Variants in MEGF10 observed in about 807,000 individuals in gnomAD.
MEGF10 encodes the protein multiple EGF like domains 10.
MEGF10 carries 86 observed loss-of-function variants against 147.5 expected under a neutral mutation model. The observed-to-expected ratio is 0.58, with a 90% CI of 0.49 to 0.70. The LOEUF is 0.70. MEGF10 is among the 30% of genes least tolerant of loss of function. MEGF10 has a pLI of 0.00. For missense variants in MEGF10, 1,329 were observed against 1,487.3 expected, an observed-to-expected ratio of 0.89 and a Z score of 1.75; for synonymous variants, 478 against 525.5, an observed-to-expected ratio of 0.91 and a Z score of 1.24.
At chr5:127,274,750 T>A in the MEGF10 span, among the ~76,000 whole-genome samples, 1 of 152,194 alleles carries the variant, frequency 6.6e-6, no homozygotes, top group East Asian at 1.9e-4. Flanking sequence ...AATACTTAAA[T>A]CTTTTATCTC....
At chr5:127,407,634 A>G (rs1453174444) in intron 8 of MEGF10, among the ~76,000 whole-genome samples, 4 of 152,182 alleles carry the variant, frequency 2.6e-5, no homozygotes, top group Non-Finnish European at 4.4e-5. Flanking sequence ...CTGTCCTAAG[A>G]AAATGCATTT....
chr5:127,342,832 G>A (rs1425022266), intron 4 of MEGF10, among the ~76,000 whole-genome samples: 1 of 151,998 alleles, frequency 6.6e-6, no homozygotes, highest in Non-Finnish European at 1.5e-5. Flanking sequence ...CCCTGAGACT[G>A]CAATATTTTT....
At chr5:127,344,879 G>T (rs1250006811) in intron 4 of MEGF10, among the ~76,000 whole-genome samples, 2 of 152,182 alleles carry the variant, frequency 1.3e-5, no homozygotes, top group Non-Finnish European at 2.9e-5. Flanking sequence ...TATCGTTAGT[G>T]GATATTCAGG....
At chr5:127,248,488 C>T in the MEGF10 span, among the ~76,000 whole-genome samples, 2 of 151,910 alleles carry the variant, frequency 1.3e-5, no homozygotes, top group Non-Finnish European at 2.9e-5. Flanking sequence ...TAAATGAAAA[C>T]ATGAATGTAA....
intron 1 of MEGF10, among the ~76,000 whole-genome samples, chr5:127,298,311 C>T (rs1189972152): frequency 6.6e-6 from 1 of 152,156 alleles, no homozygotes; most frequent in Non-Finnish European, 1.5e-5. Context: ...AAGCCCTCAT[C>T]GTTCTCACCT....
the MEGF10 span, among the ~76,000 whole-genome samples, chr5:127,238,891 G>T: frequency 3.3e-4 from 50 of 150,396 alleles, no homozygotes; most frequent in African/African-American, 1.2e-3. Flanking sequence ...AATGGATTAT[G>T]TCTATAGGAT....
rs373174817 is a variant in MEGF10 at position 127,420,222 on chromosome 5, G to A, written c.1590+15G>A. 6.2e-7 allele frequency: 1 copy of A among 1,610,382 alleles called. No homozygotes were observed. The highest frequency in any genetic ancestry group is 1.3e-5 in the African/African-American group (1 of 74,762). On this transcript the variant is annotated intron_variant, in intron 12 of 24. Coordinates refer to ENST00000503335, the MANE Select transcript of MEGF10 (RefSeq NM_001256545.2). Reference sequence around the variant, plus strand: ...TTCCCTGCCAGGTATGCACAAATCAGCGCCCTGACGGAAAACGCCTATGAG... The same window carrying A: ...TTCCCTGCCAGGTATGCACAAATCAACGCCCTGACGGAAAACGCCTATGAG...
Position 127,410,419 on chromosome 5 carries a change from T to A in MEGF10, c.948T>A (p.Tyr316Ter). Residue 316 changes from tyrosine to a stop codon, truncating the protein, a stop_gained, in exon 9 of 25, where the codon TAT (tyrosine) becomes TAA (stop). Coordinates refer to ENST00000503335, the MANE Select transcript of MEGF10 (RefSeq NM_001256545.2). LOFTEE classifies it high-confidence loss of function. ...RCQDECPVGTYGVLCAETCQC... is the reference protein window; with the variant it reads ...RCQDECPVGT ...AGGATGAGTGTCCTGTTGGGACCTA[T>A]GGCGTTCTCTGTGCTGAGACCTGCC... 1 of 1,614,266 alleles carries A rather than the reference T, an allele frequency of 6.2e-7. No individual in the cohort carries two copies. Among genetic ancestry groups the A allele is most frequent in the South Asian group, 1.1e-5 (1 of 91,088 alleles).
At chr5:127,274,567 T>C in the MEGF10 span, among the ~76,000 whole-genome samples, 1 of 152,116 alleles carries the variant, frequency 6.6e-6, no homozygotes, top group Non-Finnish European at 1.5e-5. Flanking sequence ...AACTATTATA[T>C]TATTTTAAAT....
Position 127,396,574 on chromosome 5 carries a change from G to A in MEGF10, c.455G>A (p.Cys152Tyr), listed in dbSNP as rs1385333662. The A allele has an allele frequency of 1.3e-6, 2 of 1,597,670 alleles. No individual in the cohort carries two copies. The highest frequency in any genetic ancestry group is 3.4e-5 in the Admixed American group (2 of 59,038). Residue 152 changes from cysteine to tyrosine, a missense_variant, in exon 6 of 25, where the codon TGC (cysteine) becomes TAC (tyrosine). Physicochemically the swap from Cys to Tyr is radical, Grantham distance 194 (BLOSUM62 -2). This residue lies in a region of MEGF10 where 980 missense variants were observed against 1,085.9 expected (regional missense o/e 0.90). Coordinates refer to ENST00000503335, the MANE Select transcript of MEGF10 (RefSeq NM_001256545.2). ...DHWGPHCTSR[C>Y]QCKNGALCNP... Reference sequence around the variant, plus strand: ...TGGGGTCCCCACTGCACCAGCCGGTGCCAGTGCAAAAATGGGGCTCTGTGC... The same window carrying A: ...TGGGGTCCCCACTGCACCAGCCGGTACCAGTGCAAAAATGGGGCTCTGTGC...
chr5:127,376,717 T>C (rs1763043635), intron 5 of MEGF10, among the ~76,000 whole-genome samples: 1 of 152,230 alleles, frequency 6.6e-6, no homozygotes, highest in Non-Finnish European at 1.5e-5. Context: ...ATAAGAGCTT[T>C]ACAGGAATTA....
chr5:127,366,706 T>A (rs573441345), intron 4 of MEGF10, among the ~76,000 whole-genome samples: 1 of 152,200 alleles, frequency 6.6e-6, no homozygotes. Flanking sequence ...ACGGATTTTT[T>A]TAAAAAATTA....
chr5:127,403,975 A>C (rs1360343368), intron 8 of MEGF10, among the ~76,000 whole-genome samples: 3 of 152,184 alleles, frequency 2.0e-5, no homozygotes, highest in Admixed American at 6.5e-5. Context: ...GGATTGCTGG[A>C]TCATAAGGTA....
chr5:127,403,299 TA>T (rs1465442238), intron 8 of MEGF10, among the ~76,000 whole-genome samples: 2 of 152,170 alleles, frequency 1.3e-5, no homozygotes, highest in East Asian at 1.9e-4. Context: ...TTTTTATTTT[TA>T]TTTTTTTTGT....
At chr5:127,233,237 A>G in the MEGF10 span, among the ~76,000 whole-genome samples, 71,809 of 152,002 alleles carry the variant, frequency 0.47, 17,428 homozygotes, top group Middle Eastern at 0.56. Context: ...GCTCCGCAGA[A>G]TCCTTGTCTT....
At chr5:127,335,407 T>A (rs1761421876) in intron 2 of MEGF10, among the ~76,000 whole-genome samples, 1 of 152,158 alleles carries the variant, frequency 6.6e-6, no homozygotes, top group Admixed American at 6.6e-5. Context: ...TATGGAGTGT[T>A]AGCAGAGGAA....
chr5:127,257,295 A>G, the MEGF10 span, among the ~76,000 whole-genome samples: 1 of 130,118 alleles, frequency 7.7e-6, no homozygotes, highest in Non-Finnish European at 1.6e-5. Context: ...AGACAATTGC[A>G]TTTCTTTTTA....
At chr5:127,302,678 C>T (rs1428244506) in intron 1 of MEGF10, among the ~76,000 whole-genome samples, 1 of 152,166 alleles carries the variant, frequency 6.6e-6, no homozygotes, top group African/African-American at 2.4e-5. Context: ...CTGCATAGAT[C>T]AGTTGACCCC....
At chr5:127,241,549 A>T in the MEGF10 span, among the ~76,000 whole-genome samples, 5 of 152,200 alleles carry the variant, frequency 3.3e-5, no homozygotes, top group African/African-American at 1.2e-4. Context: ...TGGGGGGCTT[A>T]AAGAGAGGAT....
Sources: gnomAD v4.1 joint callset for allele counts (sites outside exome capture counted in the v4.1 genomes callset) on GRCh38, gnomAD v4.1.1 for gene constraint, gnomAD v4.1.1 regional missense constraint, MANE v1.5 for transcripts, NCBI Gene and HGNC (gene_info 2026-07-23, HGNC 2026-07-21) for gene names.